PPP6C: variants seen among roughly 807,000 people sequenced by gnomAD.
The protein encoded by PPP6C is serine/threonine-protein phosphatase 6 catalytic subunit.
PPP6C carries 11 observed loss-of-function variants against 39.8 expected under a neutral mutation model. The observed-to-expected ratio is 0.28, with a 90% CI of 0.17 to 0.46. The LOEUF (loss-of-function observed/expected upper bound fraction) is 0.46, where lower values mean the gene tolerates loss of function less well. Among genes scored for constraint, PPP6C ranks in the 20% least tolerant of loss-of-function variants. The pLI is 1.00. For missense variants in PPP6C, 211 were observed against 373.9 expected (o/e 0.56, Z 3.59); for synonymous variants, 129 against 130.3 (o/e 0.99, Z 0.07).
intron 2 of PPP6C, among the ~76,000 whole-genome samples, chr9:125,163,476 G>T (rs1828935044): frequency 6.6e-6 from 1 of 152,168 alleles, no homozygotes; most frequent in Non-Finnish European, 1.5e-5. Context: ...TGTTGCCCAG[G>T]CTGCAATGCA....
intron 2 of PPP6C, among the ~76,000 whole-genome samples, chr9:125,167,829 T>G (rs1321929596): frequency 1.9e-5 from 1 of 53,248 alleles, no homozygotes; most frequent in Non-Finnish European, 3.5e-5. Flanking sequence ...GAGTTTGAGA[T>G]GGGGGGGGGG....
chr9:125,158,109 G>T, intron 4 of PPP6C, 132 bp downstream of exon 4: 2 of 920,234 alleles, frequency 2.2e-6, no homozygotes, highest in Non-Finnish European at 3.2e-6. Flanking sequence ...ATTTTCAATT[G>T]TTTGGGAGGA....
At chr9:125,150,656 T>C (rs1835912602) in intron 6 of PPP6C, 1 of 967,968 alleles carries the variant, frequency 1.0e-6, no homozygotes, top group South Asian at 1.2e-5. Context: ...GGATCCTGAA[T>C]ATCAAAATCT....
At chr9:125,181,857 A>C in intron 1 of PPP6C, among the ~76,000 whole-genome samples, 1 of 152,232 alleles carries the variant, frequency 6.6e-6, no homozygotes. Context: ...TTCTAGTTCT[A>C]GATCCTTGAG....
intron 1 of PPP6C, among the ~76,000 whole-genome samples, chr9:125,179,655 CTTT>C (rs56221170): frequency 6.0e-5 from 8 of 132,426 alleles, no homozygotes; most frequent in Admixed American, 7.8e-5. Context: ...TTCTCTCTCT[CTTT>C]TTTTTTTTTT....
chr9:125,150,506 A>G, intron 6 of PPP6C: 1 of 414,496 alleles, frequency 2.4e-6, no homozygotes, highest in Non-Finnish European at 4.7e-6. Context: ...AAAACAGTTG[A>G]AAGTTCAAAG....
chr9:125,170,808 C>T (rs1279590722), intron 2 of PPP6C, among the ~76,000 whole-genome samples: 1 of 152,174 alleles, frequency 6.6e-6, no homozygotes, highest in African/African-American at 2.4e-5. Flanking sequence ...TTTATATCTT[C>T]TACCTACCCC....
chr9:125,187,458 G>A (rs12236264), intron 1 of PPP6C, among the ~76,000 whole-genome samples: 2,301 of 151,590 alleles, frequency 0.015, 118 homozygotes, highest in Admixed American at 0.082. Flanking sequence ...TAATTTCTGT[G>A]TTTTTAGTAG....
chr9:125,155,761 C>T lies in PPP6C; in HGVS notation c.380-1776G>A, dbSNP rs559400050. 8.6e-4 allele frequency among the ~76,000 whole-genome samples: 131 copies of T among 151,928 alleles called. 1 individual carries two copies. Among genetic ancestry groups the T allele is most frequent in the African/African-American group, 3.0e-3 (126 of 41,442 alleles). ...TACTAAAAAATACAAAAAAATTAGC[C>T]GGGCATGGTGGCGGGCGCCTGTAGT... On this transcript the variant is annotated intron_variant, in intron 4 of 6. Coordinates refer to ENST00000373547, the MANE Select transcript of PPP6C (RefSeq NM_002721.5).
chr9:125,182,658 A>C (rs1564158904), intron 1 of PPP6C, among the ~76,000 whole-genome samples: 1 of 151,322 alleles, frequency 6.6e-6, no homozygotes, highest in Non-Finnish European at 1.5e-5. Context: ...AGGCCAGATC[A>C]GAGTTTCTCA....
chr9:125,171,235 T>C (rs1438582151), intron 1 of PPP6C, 55 bp from the exon 2 acceptor site: 2 of 1,376,354 alleles, frequency 1.5e-6, no homozygotes, highest in African/African-American at 3.0e-5. Context: ...AAACTAAAGA[T>C]AAAATACCAA....
chr9:125,163,992 G>A (rs75179555), intron 2 of PPP6C, among the ~76,000 whole-genome samples: 35,331 of 148,934 alleles, frequency 0.24, 4,657 homozygotes, highest in Middle Eastern at 0.32. Context: ...ATCTGCCACC[G>A]CACCCCCGCT....
chr9:125,154,893 A>G (rs1196015605), intron 4 of PPP6C, among the ~76,000 whole-genome samples: 1 of 152,182 alleles, frequency 6.6e-6, no homozygotes, highest in Admixed American at 6.6e-5. Context: ...TCTGCTGCCT[A>G]CGTAGTTTTT....
intron 1 of PPP6C, among the ~76,000 whole-genome samples, chr9:125,183,612 A>G (rs1640179449): frequency 6.6e-6 from 1 of 152,194 alleles, no homozygotes; most frequent in African/African-American, 2.4e-5. Context: ...CTTTCTTTCC[A>G]GTACCACCTC....
At chr9:125,159,099 C>A (rs1335222315) in intron 3 of PPP6C, among the ~76,000 whole-genome samples, 2 of 144,548 alleles carry the variant, frequency 1.4e-5, no homozygotes, top group Admixed American at 1.4e-4. Flanking sequence ...AGTGCAATGG[C>A]GTGATCTTGG....
chr9:125,189,744 AGCGGCGGCGGCGGCTGTAGCAGCG>A lies in PPP6C; in HGVS notation c.-50_-27del, dbSNP rs1456468801. The A allele has an allele frequency of 1.9e-6, 3 of 1,559,520 alleles. No homozygotes were observed. The highest frequency in any genetic ancestry group is 1.4e-5 in the African/African-American group (1 of 70,210). On this transcript the variant is annotated 5_prime_UTR_variant, in exon 1 of 7. Transcript: ENST00000373547. ...TTTAAGAATAACAAGCCGCGGCAAC[AGCGGCGGCGGCGGCTGTAGCAGCG>A]GCGGCGGCAGCGGCGGAGGCCGAAG...
At chr9:125,184,725 C>A (rs908594961) in intron 1 of PPP6C, among the ~76,000 whole-genome samples, 2 of 152,122 alleles carry the variant, frequency 1.3e-5, no homozygotes, top group Non-Finnish European at 2.9e-5. Flanking sequence ...GTAATCCCAA[C>A]ACTTTGGGAG....
intron 1 of PPP6C, among the ~76,000 whole-genome samples, chr9:125,172,322 C>T (rs1258222894): frequency 1.3e-5 from 2 of 152,010 alleles, no homozygotes; most frequent in African/African-American, 2.4e-5. Context: ...TCAAGTGATT[C>T]CCTTGCCTCA....
At chr9:125,179,337 G>A (rs751666888) in intron 1 of PPP6C, among the ~76,000 whole-genome samples, 5 of 152,028 alleles carry the variant, frequency 3.3e-5, no homozygotes, top group Non-Finnish European at 5.9e-5. Flanking sequence ...CTTTCACAAA[G>A]CAAAAGCTTT....
Sources: allele counts gnomAD v4.1 joint callset (sites outside exome capture counted in the v4.1 genomes callset), GRCh38; gene constraint gnomAD v4.1.1; transcripts MANE v1.5; gene names NCBI Gene and HGNC (gene_info 2026-07-23, HGNC 2026-07-21).